PER2: variants seen among roughly 807,000 people sequenced by gnomAD.
PER2 encodes the protein period circadian regulator 2.
In PER2, 66 loss-of-function variants were observed where a neutral mutation model predicts 121.0. The ratio of observed to expected loss-of-function variants is 0.55; its 90% CI spans 0.45 to 0.67. The LOEUF (loss-of-function observed/expected upper bound fraction) is 0.67, where lower values mean the gene tolerates loss of function less well. PER2 is among the 30% of genes least tolerant of loss of function. The pLI is 0.00. For synonymous variants in PER2, 684 were observed against 659.9 expected (o/e 1.04, Z -0.56); for missense variants, 1,521 against 1,635.0 (o/e 0.93, Z 1.20).
chr2:238,268,047 G>A lies in PER2; in HGVS notation c.967+9C>T. 6.2e-7 allele frequency: 1 copy of A among 1,613,676 alleles called. No homozygotes were observed. The highest frequency in any genetic ancestry group is 8.5e-7 in the Non-Finnish European group (1 of 1,179,948). ...CAACATCTGCCCTCGCCCTGGGCTTGGCTGTTACCTTCATAACCAGAGTGC... is the reference window on the plus strand; with the variant it reads ...CAACATCTGCCCTCGCCCTGGGCTTAGCTGTTACCTTCATAACCAGAGTGC... On this transcript the variant is annotated intron_variant, in intron 8 of 22. Coordinates refer to ENST00000254657, the MANE Select transcript of PER2 (RefSeq NM_022817.3). The surrounding 1 kb of genome is among the most constrained non-coding windows in gnomAD (Gnocchi z 4.0).
chr2:238,274,555 G>A (rs1696392634), intron 4 of PER2, among the ~76,000 whole-genome samples: 1 of 152,220 alleles, frequency 6.6e-6, no homozygotes, highest in African/African-American at 2.4e-5. Flanking sequence ...TCTGAGCTGT[G>A]AAGTTACTGT....
Position 238,271,521 on chromosome 2 carries a change from G to A in PER2, c.571-8C>T, listed in dbSNP as rs1373210070. ...GGCCACCGCAAACATATCCTGAAAAGGAAGAGTAGGGCTCTGATGACAAGG... is the reference window on the plus strand; with the variant it reads ...GGCCACCGCAAACATATCCTGAAAAAGAAGAGTAGGGCTCTGATGACAAGG... On this transcript the variant is annotated splice_region_variant and splice_polypyrimidine_tract_variant and intron_variant, in intron 5 of 22. Coordinates refer to ENST00000254657, the MANE Select transcript of PER2 (RefSeq NM_022817.3). The A allele has an allele frequency of 2.5e-6, 4 of 1,602,350 alleles. No homozygotes were observed. The highest frequency in any genetic ancestry group is 3.4e-6 in the Non-Finnish European group (4 of 1,171,198).
intron 6 of PER2, among the ~76,000 whole-genome samples, chr2:238,269,888 C>G (rs1050454369): frequency 6.6e-6 from 1 of 152,360 alleles, no homozygotes; most frequent in Admixed American, 6.5e-5. Context: ...ATTTCATCTA[C>G]CTACTGTCCC....
rs1158187008 is a variant in PER2 at position 238,272,789 on chromosome 2, G to GC, written c.570+280dup. The stretch of plus-strand genomic sequence containing the variant: ...CACCTCGAGGACATGAAAACCCAGA[G>GC]CCCCCCAGTTCAGTCACACTGGGTT... On this transcript the variant is annotated intron_variant, in intron 5 of 22. Transcript: ENST00000254657. Among the ~76,000 whole-genome samples, 3 of 152,284 alleles carry GC rather than the reference G, an allele frequency of 2.0e-5. No individual in the cohort carries two copies. In the East Asian group the frequency reaches 5.8e-4, roughly 29 times the overall value.
In PER2 at chr2:238,252,766, GGC is replaced by G; in HGVS notation, c.3111+144_3111+145del. The G allele has an allele frequency of 1.3e-6, 1 of 780,910 alleles. No individual in the cohort carries two copies. The highest frequency in any genetic ancestry group is 2.3e-6 in the Non-Finnish European group (1 of 436,278). 48.4% of individuals were successfully genotyped at this position (780,910 alleles called of 1,614,324 possible). A position where few individuals can be genotyped will look rare whatever the true frequency, so the allele number is the denominator to read the frequency against. ...GATTAAGTGGGAAGCATGAATTTCT[GGC>G]ACACACATTCATGGCAAAACCTACA... On this transcript the variant is annotated intron_variant, in intron 19 of 22. Coordinates refer to ENST00000254657, the MANE Select transcript of PER2 (RefSeq NM_022817.3). This position sits in a 1 kb window ranked among gnomAD's most constrained non-coding sequence, Gnocchi z 4.2.
intron 1 of PER2, among the ~76,000 whole-genome samples, chr2:238,284,379 C>T (rs6739847): frequency 0.37 from 54,980 of 149,790 alleles, 11,042 homozygotes; most frequent in African/African-American, 0.53. Context: ...GAGGTGGAGG[C>T]TGCAGTAAGC....
intron 20 of PER2, 60 bp from the exon 21 acceptor site, chr2:238,250,803 A>C: frequency 1.6e-6 from 2 of 1,212,706 alleles, no homozygotes; most frequent in Non-Finnish European, 1.2e-6. Context: ...AACCTTGCAT[A>C]ATGTGCTTCC....
intron 10 of PER2, 58 bp from the exon 11 acceptor site, chr2:238,262,402 G>C: frequency 1.3e-6 from 2 of 1,561,950 alleles, no homozygotes; most frequent in Non-Finnish European, 1.8e-6. Context: ...ATTTATAGTA[G>C]AGAGAGACAA....
In PER2 at chr2:238,244,523, C is replaced by T. The variant is rs1367884347; in HGVS notation, c.*1852G>A. 1 of 152,230 alleles carries T rather than the reference C, an allele frequency of 6.6e-6. No homozygotes were observed. Among genetic ancestry groups the T allele is most frequent in the Non-Finnish European group, 1.5e-5 (1 of 68,034 alleles). The allele number at this position is 152,230 out of a possible 1,614,324, so 9.4% of individuals were successfully genotyped here. The stretch of plus-strand genomic sequence containing the variant: ...TGTAACCTTAGATGAACACCTATCC[C>T]TTCATGATCTGACTTTAGAGGCAAG... On this transcript the variant is annotated 3_prime_UTR_variant, in exon 23 of 23. Transcript: ENST00000254657.
intron 1 of PER2, among the ~76,000 whole-genome samples, chr2:238,283,291 A>T (rs1315428140): frequency 2.0e-5 from 3 of 152,216 alleles, no homozygotes; most frequent in Non-Finnish European, 4.4e-5. Context: ...ATGTCTCTGT[A>T]AGGCAGAGCC....
At chr2:238,260,092 G>C in intron 13 of PER2, 39 bp from the exon 14 acceptor site, 1 of 877,652 alleles carries the variant, frequency 1.1e-6, no homozygotes, top group South Asian at 1.4e-5. Context: ...TTCATTCTAG[G>C]AGACCTCCTT....
At chr2:238,284,759 T>C (rs1696734306) in intron 1 of PER2, among the ~76,000 whole-genome samples, 1 of 152,232 alleles carries the variant, frequency 6.6e-6, no homozygotes, top group Non-Finnish European at 1.5e-5. Context: ...GGAAGATAAG[T>C]ATTTTTGCAA....
At chr2:238,257,916 C>A (rs1275044692) in intron 16 of PER2, among the ~76,000 whole-genome samples, 1 of 152,256 alleles carries the variant, frequency 6.6e-6, no homozygotes, top group African/African-American at 2.4e-5. Context: ...AGAGGGCCTG[C>A]CCTAGACTGA....
At chr2:238,271,123 T>TC (rs1338518474) in intron 6 of PER2, among the ~76,000 whole-genome samples, 189 bp downstream of exon 6, 1 of 152,238 alleles carries the variant, frequency 6.6e-6, no homozygotes, top group Admixed American at 6.5e-5. Flanking sequence ...ACTATTTTTT[T>TC]CTCTAAATTT....
chr2:238,263,874 G>GGA (rs1441007151), intron 9 of PER2, among the ~76,000 whole-genome samples: 1 of 151,976 alleles, frequency 6.6e-6, no homozygotes, highest in East Asian at 1.9e-4. Context: ...GTTTTCCTTT[G>GGA]GACAGGATAT....
chr2:238,249,712 G>A (rs897924098), intron 21 of PER2, among the ~76,000 whole-genome samples: 11 of 152,232 alleles, frequency 7.2e-5, no homozygotes, highest in African/African-American at 2.7e-4. Flanking sequence ...CTGGTGAGGG[G>A]GGACTGGATC....
At chr2:238,298,066 T>C in the PER2 span, among the ~76,000 whole-genome samples, 1 of 145,210 alleles carries the variant, frequency 6.9e-6, no homozygotes, top group African/African-American at 2.6e-5. Context: ...GGAGTCTCGC[T>C]CTGTCCCCCA....
chr2:238,260,042 T>C lies in PER2; in HGVS notation c.1554A>G (p.Lys518=), dbSNP rs1285861388. Residue 518 remains lysine (K), a synonymous_variant, in exon 14 of 23, where the codon AAA becomes AAG. Coordinates refer to ENST00000254657, the MANE Select transcript of PER2 (RefSeq NM_022817.3). ...TTCTATTTTTGGTCTTGTTACCATT[T>C]TTACAAATTTCCTTGAAGAAAAACA... ...DSRRRRAEIC[K]NGNKTKNRSH... The C allele has an allele frequency of 1.4e-6, 2 of 1,460,994 alleles. No individual in the cohort carries two copies. Among genetic ancestry groups the C allele is most frequent in the Non-Finnish European group, 1.9e-6 (2 of 1,047,306 alleles). The allele number at this position is 1,460,994 out of a possible 1,614,324, so 90.5% of individuals were successfully genotyped here. A position where few individuals can be genotyped will look rare whatever the true frequency, so the allele number is the denominator to read the frequency against.
chr2:238,266,836 G>A (rs942089113), intron 8 of PER2, among the ~76,000 whole-genome samples: 4 of 149,952 alleles, frequency 2.7e-5, no homozygotes, highest in Admixed American at 6.6e-5. Context: ...TCAGGAGTTC[G>A]AGACCAGCCT....
Sources: gnomAD v4.1 joint callset for allele counts (sites outside exome capture counted in the v4.1 genomes callset) on GRCh38, gnomAD v4.1.1 for gene constraint, Gnocchi (gnomAD v3.1) non-coding constraint, MANE v1.5 for transcripts, NCBI Gene and HGNC (gene_info 2026-07-23, HGNC 2026-07-21) for gene names.